Variants in SAXO5 observed in about 807,000 individuals in gnomAD.
SAXO5 encodes stabilizer of axonemal microtubules 5.
At chr19:7,497,596 A>C in the SAXO5 span, 1 of 146,566 alleles carries the variant, frequency 6.8e-6, no homozygotes, top group Non-Finnish European at 1.5e-5. Context: ...ATCCTCTGAG[A>C]GACCAGGGAC....
At chr19:7,508,438 C>A in the SAXO5 span, 1 of 1,603,070 alleles carries the variant, frequency 6.2e-7, no homozygotes, top group Non-Finnish European at 8.5e-7. Flanking sequence ...TAAATGCCAT[C>A]TTGGCAACAT....
the SAXO5 span, chr19:7,501,164 C>G: frequency 6.6e-7 from 1 of 1,513,620 alleles, no homozygotes; most frequent in Non-Finnish European, 8.8e-7. Flanking sequence ...GCAACCTGCA[C>G]CTGCACGAGG....
At chr19:7,501,550 G>A in the SAXO5 span, 4 of 930,338 alleles carry the variant, frequency 4.3e-6, no homozygotes, top group South Asian at 2.1e-5. Context: ...GGCCGGGCGC[G>A]GTGGCTCAAG....
chr19:7,506,247 C>T, the SAXO5 span: 1 of 635,820 alleles, frequency 1.6e-6, no homozygotes, highest in Admixed American at 4.4e-5. Context: ...CCATGGAGCC[C>T]CTCCCCATGG....
At chr19:7,504,875 T>A in the SAXO5 span, among the ~76,000 whole-genome samples, 1 of 152,068 alleles carries the variant, frequency 6.6e-6, no homozygotes. Flanking sequence ...AGATCTCTCA[T>A]TATCAGAGCC....
At chr19:7,506,609 C>T in the SAXO5 span, 3 of 355,938 alleles carry the variant, frequency 8.4e-6, no homozygotes, top group Non-Finnish European at 1.6e-5. Context: ...GGCCCGGCCC[C>T]GCCCCTGACC....
the SAXO5 span, chr19:7,507,005 C>G: frequency 2.7e-6 from 4 of 1,481,132 alleles, no homozygotes; most frequent in Non-Finnish European, 3.8e-6. Flanking sequence ...ACACCCTCAG[C>G]CCCGCCTCGG....
At chr19:7,506,994 C>T in the SAXO5 span, 1 of 1,402,980 alleles carries the variant, frequency 7.1e-7, no homozygotes, top group Non-Finnish European at 1.0e-6. Context: ...TGAACTTCAC[C>T]ACACCCTCAG....
the SAXO5 span, chr19:7,500,745 G>T: frequency 1.5e-6 from 2 of 1,295,782 alleles, no homozygotes; most frequent in Non-Finnish European, 2.0e-6. Context: ...TCAAAAGCAG[G>T]AGTCAAAGGC....
the SAXO5 span, among the ~76,000 whole-genome samples, chr19:7,498,170 T>TACACAC: frequency 7.2e-3 from 1,024 of 142,508 alleles, 10 homozygotes; most frequent in African/African-American, 0.017. Context: ...CACACACACA[T>TACACAC]ACACACACAC....
the SAXO5 span, chr19:7,507,274 C>T: frequency 1.3e-6 from 1 of 765,884 alleles, no homozygotes; most frequent in Non-Finnish European, 2.2e-6. Context: ...CTTAATATCC[C>T]TTCAGCCTGA....
At chr19:7,507,191 G>C in the SAXO5 span, 1 of 1,488,858 alleles carries the variant, frequency 6.7e-7, no homozygotes. Context: ...CCCCACATTG[G>C]TGTAGAGTTA....
chr19:7,507,527 C>G, the SAXO5 span, among the ~76,000 whole-genome samples: 1 of 151,954 alleles, frequency 6.6e-6, no homozygotes, highest in Non-Finnish European at 1.5e-5. Context: ...TTTCAGTGAG[C>G]CAAGATCGCA....
the SAXO5 span, among the ~76,000 whole-genome samples, chr19:7,502,111 A>C: frequency 6.6e-6 from 1 of 151,834 alleles, no homozygotes; most frequent in East Asian, 1.9e-4. Flanking sequence ...TTATATATAT[A>C]TGTGTATATA....
chr19:7,501,910 A>G, the SAXO5 span, among the ~76,000 whole-genome samples: 1 of 106,904 alleles, frequency 9.4e-6, no homozygotes, highest in African/African-American at 4.0e-5. Flanking sequence ...GGAAAACAAG[A>G]CAGAGAGGAA....
the SAXO5 span, chr19:7,508,221 A>G: frequency 6.2e-6 from 10 of 1,613,780 alleles, no homozygotes; most frequent in African/African-American, 8.0e-5. Flanking sequence ...GTACAGCCAC[A>G]TGGAGCCCCC....
At chr19:7,497,744 A>C in the SAXO5 span, 13 of 152,202 alleles carry the variant, frequency 8.5e-5, no homozygotes, top group Admixed American at 7.9e-4. Context: ...TGGGAGCTTA[A>C]TGACTTATTC....
the SAXO5 span, chr19:7,501,163 A>C: frequency 6.6e-7 from 1 of 1,513,318 alleles, no homozygotes; most frequent in South Asian, 1.2e-5. Context: ...GGCAACCTGC[A>C]CCTGCACGAG....
chr19:7,508,246 G>C, the SAXO5 span: 4 of 1,614,026 alleles, frequency 2.5e-6, no homozygotes, highest in African/African-American at 1.3e-5. Flanking sequence ...GGTGGACTGC[G>C]CTTCTTCTCA....
Sources: gnomAD v4.1 joint callset for allele counts (sites outside exome capture counted in the v4.1 genomes callset) on GRCh38, gnomAD v4.1.1 for gene constraint, MANE v1.5 for transcripts, NCBI Gene and HGNC (gene_info 2026-07-23, HGNC 2026-07-21) for gene names.